The following ROBO1 variants were observed in gnomAD, a reference collection of about 807,000 sequenced individuals.
The protein encoded by ROBO1 is roundabout homolog 1.
In ROBO1, 149 loss-of-function variants were observed where a neutral mutation model predicts 195.9. That is an observed-to-expected ratio of 0.76 (90% CI 0.67 to 0.87). ROBO1 has a LOEUF of 0.87. ROBO1 is among the 40% of genes least tolerant of loss of function. The pLI is 0.00. For synonymous variants in ROBO1, 816 were observed against 733.2 expected, an observed-to-expected ratio of 1.11 and a Z score of -1.82; for missense variants, 1,933 against 2,068.3, an observed-to-expected ratio of 0.93 and a Z score of 1.27.
chr3:79,124,066 C>A (rs983207366), intron 3 of ROBO1, among the ~76,000 whole-genome samples: 1 of 152,008 alleles, frequency 6.6e-6, no homozygotes, highest in Admixed American at 6.6e-5. Flanking sequence ...AATTAGGATA[C>A]CCCTGAGAAA....
intron 28 of ROBO1, among the ~76,000 whole-genome samples, chr3:78,608,818 T>A (rs1202394280): frequency 6.6e-6 from 1 of 152,110 alleles, no homozygotes; most frequent in Non-Finnish European, 1.5e-5. Flanking sequence ...GAATCTAAGA[T>A]GACTTTTAGG....
intron 1 of ROBO1, among the ~76,000 whole-genome samples, chr3:79,685,335 C>T (rs563472992): frequency 1.1e-4 from 17 of 152,212 alleles, no homozygotes; most frequent in African/African-American, 3.9e-4. Flanking sequence ...TAGGCATGTG[C>T]ACAGCTCTGA....
chr3:79,674,682 C>T (rs1946729028), intron 1 of ROBO1, among the ~76,000 whole-genome samples: 1 of 151,812 alleles, frequency 6.6e-6, no homozygotes, highest in African/African-American at 2.4e-5. Context: ...GTAACACTAT[C>T]CTCTCCTAGG....
chr3:78,981,688 T>C lies in ROBO1; in HGVS notation c.173-42761A>G, dbSNP rs76595223. On this transcript the variant is annotated intron_variant, in intron 3 of 30. Coordinates refer to ENST00000464233, the MANE Select transcript of ROBO1 (RefSeq NM_002941.4). The stretch of plus-strand genomic sequence containing the variant: ...TATAGCACTTTGTCACACTGAGCAC[T>C]TTTGGATTAAAATAAATTGGAAGGG... Among the ~76,000 whole-genome samples, 512 of 152,004 alleles carry C rather than the reference T, an allele frequency of 3.4e-3. 5 individuals are homozygous for C. The highest frequency in any genetic ancestry group is 0.012 in the African/African-American group (487 of 41,412).
chr3:78,897,230 C>T (rs2037291092), intron 4 of ROBO1, among the ~76,000 whole-genome samples: 1 of 152,182 alleles, frequency 6.6e-6, no homozygotes, highest in Non-Finnish European at 1.5e-5. Flanking sequence ...TTTCAAAGCT[C>T]AGGCCACACC....
intron 26 of ROBO1, among the ~76,000 whole-genome samples, chr3:78,626,692 C>T (rs767250362): frequency 6.6e-5 from 10 of 151,816 alleles, no homozygotes; most frequent in Non-Finnish European, 1.2e-4. Flanking sequence ...ATAACAAATA[C>T]GTATTGGTTG....
chr3:79,270,863 CT>C (rs1311154124), intron 2 of ROBO1, among the ~76,000 whole-genome samples: 1 of 151,898 alleles, frequency 6.6e-6, no homozygotes, highest in Non-Finnish European at 1.5e-5. Context: ...TTCACAAACT[CT>C]CATATAATGT....
chr3:78,886,993 T>A (rs187090433), intron 4 of ROBO1, among the ~76,000 whole-genome samples: 319 of 152,344 alleles, frequency 2.1e-3, no homozygotes, highest in Non-Finnish European at 4.1e-3. Flanking sequence ...CCTTTAGTTA[T>A]GTAATTTTCT....
chr3:79,255,675 C>T (rs925106834), intron 2 of ROBO1, among the ~76,000 whole-genome samples: 4 of 152,142 alleles, frequency 2.6e-5, no homozygotes, highest in Non-Finnish European at 5.9e-5. Context: ...CATATTCACA[C>T]ACACATAATA....
chr3:78,695,581 C>A (rs2081269316), intron 8 of ROBO1, among the ~76,000 whole-genome samples: 1 of 146,564 alleles, frequency 6.8e-6, no homozygotes, highest in Non-Finnish European at 1.5e-5. Context: ...GCCAAAATTG[C>A]ACCACTGCAC....
intron 1 of ROBO1, among the ~76,000 whole-genome samples, chr3:79,717,317 G>A (rs944416980): frequency 8.6e-5 from 13 of 151,946 alleles, no homozygotes; most frequent in Admixed American, 6.6e-4. Flanking sequence ...ACTTAAATTG[G>A]TAAGCTGAAT....
chr3:79,719,266 AG>A (rs764963033), intron 1 of ROBO1, among the ~76,000 whole-genome samples: 4 of 152,104 alleles, frequency 2.6e-5, no homozygotes, highest in Non-Finnish European at 5.9e-5. Flanking sequence ...TAAGCAGTCT[AG>A]TATTTTCAAT....
chr3:79,739,426 C>A (rs1283909228), intron 1 of ROBO1, among the ~76,000 whole-genome samples: 4 of 152,088 alleles, frequency 2.6e-5, no homozygotes, highest in African/African-American at 9.7e-5. Context: ...GCCAACTTTT[C>A]CTTATAAGTG....
intron 4 of ROBO1, among the ~76,000 whole-genome samples, chr3:78,937,418 C>T (rs1197308798): frequency 6.6e-6 from 1 of 151,726 alleles, no homozygotes; most frequent in Non-Finnish European, 1.5e-5. Context: ...TAAATATATA[C>T]ATGGTTATTT....
intron 3 of ROBO1, among the ~76,000 whole-genome samples, chr3:79,098,796 T>G (rs2108505593): frequency 6.6e-6 from 1 of 151,944 alleles, no homozygotes; most frequent in Non-Finnish European, 1.5e-5. Context: ...ACTAATTAAT[T>G]TTTTCAGATT....
At chr3:79,223,091 AT>A (rs1021517782) in intron 2 of ROBO1, among the ~76,000 whole-genome samples, 12 of 152,136 alleles carry the variant, frequency 7.9e-5, no homozygotes, top group Admixed American at 6.6e-4. Flanking sequence ...AAGCAAAATT[AT>A]GTTTTCTATC....
chr3:79,585,044 AT>A (rs1943785994), intron 2 of ROBO1, among the ~76,000 whole-genome samples: 1 of 151,690 alleles, frequency 6.6e-6, no homozygotes, highest in African/African-American at 2.4e-5. Flanking sequence ...TTTTTGTTAC[AT>A]TTTATTTGTA....
chr3:78,892,633 G>A (rs980465989), intron 4 of ROBO1, among the ~76,000 whole-genome samples: 5 of 152,122 alleles, frequency 3.3e-5, no homozygotes, highest in African/African-American at 7.2e-5. Context: ...CCAAATGAAA[G>A]GCTAAAGAGT....
intron 2 of ROBO1, among the ~76,000 whole-genome samples, chr3:79,143,225 C>T (rs1308359371): frequency 6.6e-6 from 1 of 151,972 alleles, no homozygotes; most frequent in Non-Finnish European, 1.5e-5. Context: ...AAATATGATT[C>T]TAAAAATAAC....
Sources: gnomAD v4.1 joint callset for allele counts (sites outside exome capture counted in the v4.1 genomes callset) on GRCh38, gnomAD v4.1.1 for gene constraint, MANE v1.5 for transcripts, NCBI Gene and HGNC (gene_info 2026-07-23, HGNC 2026-07-21) for gene names.